DOCK7: variants seen among roughly 807,000 people sequenced by gnomAD.
The protein encoded by DOCK7 is dedicator of cytokinesis protein 7.
DOCK7 carries 138 observed loss-of-function variants against 271.0 expected under a neutral mutation model. The ratio of observed to expected loss-of-function variants is 0.51; its 90% CI spans 0.44 to 0.59. DOCK7 has a LOEUF of 0.59. Among genes scored for constraint, DOCK7 ranks in the 20% least tolerant of loss-of-function variants. The probability of loss-of-function intolerance (pLI) is 0.00; values close to 1 mark genes in which losing one functional copy is unlikely to be tolerated. For missense variants in DOCK7, 2,066 were observed against 2,592.4 expected (o/e 0.80, Z 4.41); for synonymous variants, 823 against 876.1 (o/e 0.94, Z 1.07).
intron 31 of DOCK7, among the ~76,000 whole-genome samples, chr1:62,515,478 T>G (rs1030948641): frequency 6.6e-6 from 1 of 152,218 alleles, no homozygotes; most frequent in African/African-American, 2.4e-5. Context: ...GACTGAATTT[T>G]CAAGTACCTA....
chr1:62,592,101 T>C (rs1362092680), intron 14 of DOCK7, among the ~76,000 whole-genome samples: 1 of 152,184 alleles, frequency 6.6e-6, no homozygotes, highest in Non-Finnish European at 1.5e-5. Context: ...TTTAAACTCA[T>C]CTCTGAAGGT....
In DOCK7 at chr1:62,683,249, A is replaced by G. The variant is rs772417831; in HGVS notation, c.38+4978T>C. On this transcript the variant is annotated intron_variant, in intron 1 of 49. Coordinates refer to ENST00000635253, the MANE Select transcript of DOCK7 (RefSeq NM_001367561.1). Reference sequence around the variant, plus strand: ...ATTAAGAATTAGTGAGATGAGTACAACAAAAGATCAGGGAAGTATATGTGT... The same window carrying G: ...ATTAAGAATTAGTGAGATGAGTACAGCAAAAGATCAGGGAAGTATATGTGT... Among the ~76,000 whole-genome samples, 3 of 152,232 alleles carry G rather than the reference A, an allele frequency of 2.0e-5. No homozygotes were observed. In the South Asian group the frequency reaches 6.2e-4, roughly 31 times the overall value.
At chr1:62,614,487 T>C (rs528138974) in intron 14 of DOCK7, among the ~76,000 whole-genome samples, 2 of 152,080 alleles carry the variant, frequency 1.3e-5, no homozygotes, top group South Asian at 2.1e-4. Flanking sequence ...CAGGCCAATA[T>C]TGACTCTGAT....
At chr1:62,526,821 C>G (rs939793976) in intron 31 of DOCK7, among the ~76,000 whole-genome samples, 2 of 152,090 alleles carry the variant, frequency 1.3e-5, no homozygotes, top group African/African-American at 4.8e-5. Flanking sequence ...AATACAAACA[C>G]AAAAGATCAT....
intron 7 of DOCK7, among the ~76,000 whole-genome samples, chr1:62,647,323 A>C (rs1656791618): frequency 6.6e-6 from 1 of 152,036 alleles, no homozygotes; most frequent in South Asian, 2.1e-4. Context: ...TGTAAAATCA[A>C]CTCTTTGATT....
intron 14 of DOCK7, among the ~76,000 whole-genome samples, chr1:62,602,927 C>G (rs1650365994): frequency 6.6e-6 from 1 of 151,400 alleles, no homozygotes; most frequent in Non-Finnish European, 1.5e-5. Flanking sequence ...GTAAAATAAG[C>G]AAGATAAAAT....
chr1:62,686,085 A>T (rs1661689596), intron 1 of DOCK7, among the ~76,000 whole-genome samples: 1 of 152,156 alleles, frequency 6.6e-6, no homozygotes, highest in South Asian at 2.1e-4. Flanking sequence ...CTTTATCAGC[A>T]TGATGTTTTC....
intron 42 of DOCK7, 85 bp from the exon 43 acceptor site, chr1:62,487,497 A>G: frequency 8.3e-7 from 1 of 1,199,774 alleles, no homozygotes; most frequent in Non-Finnish European, 1.2e-6. Context: ...TATACCATAA[A>G]TTCTTCTCCA....
At chr1:62,664,088 T>C (rs1163824842) in intron 1 of DOCK7, among the ~76,000 whole-genome samples, 1 of 152,196 alleles carries the variant, frequency 6.6e-6, no homozygotes, top group African/African-American at 2.4e-5. Context: ...AGCCAATCTG[T>C]ATGATTCCAA....
chr1:62,671,856 T>C (rs996705162), intron 1 of DOCK7, among the ~76,000 whole-genome samples: 3 of 152,046 alleles, frequency 2.0e-5, no homozygotes, highest in African/African-American at 7.2e-5. Context: ...TAGTCTCTAA[T>C]GTGTCTTTAG....
At chr1:62,576,938 A>T (rs1646958201) in intron 18 of DOCK7, among the ~76,000 whole-genome samples, 1 of 152,206 alleles carries the variant, frequency 6.6e-6, no homozygotes, top group Non-Finnish European at 1.5e-5. Flanking sequence ...TAAAAAAGAA[A>T]TATTCATTTA....
intron 14 of DOCK7, among the ~76,000 whole-genome samples, chr1:62,612,582 T>C (rs1474409288): frequency 2.0e-5 from 3 of 152,228 alleles, no homozygotes; most frequent in Admixed American, 1.3e-4. Context: ...TCTTTACTTT[T>C]AGGTGTATTA....
At chr1:62,456,942 G>A (rs910586538) in intron 49 of DOCK7, among the ~76,000 whole-genome samples, 7 of 152,148 alleles carry the variant, frequency 4.6e-5, no homozygotes, top group Non-Finnish European at 1.5e-5. Context: ...ATTTCAAAAT[G>A]CAAGAAAGTT....
At chr1:62,546,056 A>G (rs989581045) in intron 22 of DOCK7, among the ~76,000 whole-genome samples, 7 of 152,194 alleles carry the variant, frequency 4.6e-5, no homozygotes, top group South Asian at 2.1e-4. Context: ...ATGTAAACAT[A>G]TCAGGACATG....
intron 21 of DOCK7, 68 bp from the exon 22 acceptor site, chr1:62,552,969 T>C (rs1645960874): frequency 3.2e-6 from 4 of 1,240,472 alleles, no homozygotes; most frequent in Non-Finnish European, 4.2e-6. Flanking sequence ...AAAAAAAATC[T>C]CTGCCACTTT....
At chr1:62,527,942 A>G (rs1419119450) in intron 31 of DOCK7, among the ~76,000 whole-genome samples, 1 of 152,080 alleles carries the variant, frequency 6.6e-6, no homozygotes, top group Admixed American at 6.6e-5. Context: ...ATGACAGAAT[A>G]CGGGGCTTTT....
At chr1:62,490,547 T>C (rs1571273573) in intron 41 of DOCK7, among the ~76,000 whole-genome samples, 1 of 152,192 alleles carries the variant, frequency 6.6e-6, no homozygotes, top group Non-Finnish European at 1.5e-5. Context: ...AGTAAGTTCG[T>C]AGGAGTATAT....
At chr1:62,494,536 G>T (rs372181659) in intron 39 of DOCK7, 69 bp from the exon 40 acceptor site, 2 of 1,420,624 alleles carry the variant, frequency 1.4e-6, no homozygotes, top group East Asian at 2.3e-5. Flanking sequence ...TAGATAGCTC[G>T]CTCAGAGTTT....
chr1:62,473,743 TG>T (rs997076627), intron 48 of DOCK7, among the ~76,000 whole-genome samples: 3 of 151,928 alleles, frequency 2.0e-5, no homozygotes, highest in Non-Finnish European at 4.4e-5. Flanking sequence ...AACCTACACT[TG>T]GCTAATTTTT....
Sources: allele counts gnomAD v4.1 joint callset (sites outside exome capture counted in the v4.1 genomes callset), GRCh38; gene constraint gnomAD v4.1.1; transcripts MANE v1.5; gene names NCBI Gene and HGNC (gene_info 2026-07-23, HGNC 2026-07-21).